MTUS1: variants seen among roughly 807,000 people sequenced by gnomAD.
MTUS1 encodes microtubule associated scaffold protein 1.
In MTUS1, 109 loss-of-function variants were observed where a neutral mutation model predicts 120.8. The observed-to-expected ratio is 0.90, with a 90% CI of 0.77 to 1.06. MTUS1 has a LOEUF of 1.06. Ranked by LOEUF, MTUS1 falls within the 50% of genes least tolerant of loss-of-function variation. The pLI is 0.00. For missense variants in MTUS1, 2,210 were observed against 1,486.3 expected, an observed-to-expected ratio of 1.49 and a Z score of -8.01; for synonymous variants, 737 against 550.5, an observed-to-expected ratio of 1.34 and a Z score of -4.74.
rs1032481199 is a variant in MTUS1, at chr8:17,644,784, A to T, written c.*1142T>A. On this transcript the variant is annotated 3_prime_UTR_variant, in exon 15 of 15. Transcript: ENST00000693296. Reference sequence around the variant, plus strand: ...AGATTTCCCAAAATTTGTAATATCAAATCCAGGCTTTAGTTTATTTGGAAA... The same window carrying T: ...AGATTTCCCAAAATTTGTAATATCATATCCAGGCTTTAGTTTATTTGGAAA... The T allele has an allele frequency of 1.3e-5, 2 of 152,186 alleles. No homozygotes were observed. Among genetic ancestry groups the T allele is most frequent in the African/African-American group, 2.4e-5 (1 of 41,436 alleles). The allele number at this position is 152,186 out of a possible 1,614,324, so 9.4% of individuals were successfully genotyped here.
At chr8:17,733,041 T>C (rs1171712797) in intron 3 of MTUS1, among the ~76,000 whole-genome samples, 1 of 151,978 alleles carries the variant, frequency 6.6e-6, no homozygotes, top group African/African-American at 2.4e-5. Flanking sequence ...AAGTCCTAAC[T>C]ATGATTTTCA....
At chr8:17,684,925 G>C (rs2130777966) in intron 6 of MTUS1, among the ~76,000 whole-genome samples, 1 of 152,220 alleles carries the variant, frequency 6.6e-6, no homozygotes, top group Admixed American at 6.5e-5. Context: ...TATGCTGAAA[G>C]GAACACACAA....
At position 17,679,108 on chromosome 8, in the gene MTUS1, T is replaced by C. The variant is rs191620997; in HGVS notation, c.2839-3856A>G. Among the ~76,000 whole-genome samples, 940 of 149,728 alleles carry C rather than the reference T, an allele frequency of 6.3e-3. 10 individuals are homozygous for C. Among genetic ancestry groups the C allele is most frequent in the African/African-American group, 0.022 (886 of 40,920 alleles). On this transcript the variant is annotated intron_variant, in intron 7 of 14. Transcript: ENST00000693296. Reference sequence around the variant, plus strand: ...ACTAAGTAGACTTGCAACAAAAGCATGGTAGTTGCAAGATTCTCTTAACCA... The same window carrying C: ...ACTAAGTAGACTTGCAACAAAAGCACGGTAGTTGCAAGATTCTCTTAACCA...
intron 1 of MTUS1, among the ~76,000 whole-genome samples, chr8:17,764,509 G>T (rs1490356945): frequency 6.6e-6 from 1 of 151,682 alleles, no homozygotes; most frequent in Non-Finnish European, 1.5e-5. Flanking sequence ...CAATTTCCCT[G>T]TTCCTGTTTC....
intron 6 of MTUS1, among the ~76,000 whole-genome samples, chr8:17,712,590 T>A (rs1352564625): frequency 6.6e-6 from 1 of 152,158 alleles, no homozygotes; most frequent in African/African-American, 2.4e-5. Flanking sequence ...CCACCCACCT[T>A]GGCCTCCCAA....
intron 8 of MTUS1, among the ~76,000 whole-genome samples, chr8:17,670,228 T>C (rs1811737050): frequency 6.6e-6 from 1 of 152,188 alleles, no homozygotes; most frequent in South Asian, 2.1e-4. Context: ...GAAGGTCTGA[T>C]TATACTGGAC....
chr8:17,757,433 A>G (rs1474953710), intron 1 of MTUS1, among the ~76,000 whole-genome samples: 1 of 152,232 alleles, frequency 6.6e-6, no homozygotes, highest in Non-Finnish European at 1.5e-5. Context: ...TGGCTGCACA[A>G]TGTTATATAC....
rs1455654567 is a variant in MTUS1 at position 17,791,147 on chromosome 8, C to T, written c.-155+9914G>A. ...TCCAGTCCCAGTTCCATAACTTACT[C>T]GCCATAAGACAAAACATTTATCCAA... On this transcript the variant is annotated intron_variant, in intron 1 of 14. Coordinates refer to ENST00000693296, the MANE Select transcript of MTUS1 (RefSeq NM_001363059.2). Among the ~76,000 whole-genome samples the T allele has an allele frequency of 2.0e-5, 3 of 152,148 alleles. 1 individual carries two copies. Among genetic ancestry groups the T allele is most frequent in the Admixed American group, 6.5e-5 (1 of 15,276 alleles).
chr8:17,686,053 T>G (rs931104637), intron 6 of MTUS1, among the ~76,000 whole-genome samples: 1 of 152,254 alleles, frequency 6.6e-6, no homozygotes, highest in African/African-American at 2.4e-5. Context: ...TTTTAGAAAT[T>G]GTCACATAAC....
intron 6 of MTUS1, chr8:17,705,886 G>A (rs1392065274): frequency 6.6e-6 from 1 of 152,188 alleles, no homozygotes; most frequent in African/African-American, 2.4e-5. Flanking sequence ...TGATGCCTCT[G>A]GTATGCCAGT....
intron 3 of MTUS1, among the ~76,000 whole-genome samples, chr8:17,740,644 G>A (rs536722968): frequency 6.6e-6 from 1 of 152,318 alleles, no homozygotes; most frequent in Admixed American, 6.5e-5. Context: ...TAATACAGTA[G>A]AATCAAATTA....
chr8:17,704,745 C>T (rs1819802411), intron 6 of MTUS1, among the ~76,000 whole-genome samples: 1 of 152,108 alleles, frequency 6.6e-6, no homozygotes, highest in African/African-American at 2.4e-5. Context: ...TGGCTATTTG[C>T]AGTCCTCTGT....
At chr8:17,781,213 C>A (rs1340015905) in intron 1 of MTUS1, among the ~76,000 whole-genome samples, 1 of 152,194 alleles carries the variant, frequency 6.6e-6, no homozygotes. Context: ...TTTCAAATAT[C>A]TCATAGCCAA....
At chr8:17,726,014 T>A (rs2046207247) in intron 3 of MTUS1, among the ~76,000 whole-genome samples, 1 of 152,162 alleles carries the variant, frequency 6.6e-6, no homozygotes, top group African/African-American at 2.4e-5. Context: ...TACCCCTTCA[T>A]ACACACACAC....
rs369947026 is a variant in MTUS1 at position 17,753,912 on chromosome 8, C to T, written c.1896G>A (p.Ala632=). Residue 632 remains alanine, a synonymous_variant, in exon 2 of 15, where the codon GCG becomes GCA. Coordinates refer to ENST00000693296, the MANE Select transcript of MTUS1 (RefSeq NM_001363059.2). Reference sequence around the variant, plus strand: ...GTATGCCTTTGATCTTCTGAAACAACGCAGAAACGGACCCGGTCTCGCATG... The same window carrying T: ...GTATGCCTTTGATCTTCTGAAACAATGCAGAAACGGACCCGGTCTCGCATG... ...NSACETGSVS[A]LFQKIKGILP... is the part of the protein sequence containing the mutation. 94 of 1,614,036 alleles carry T rather than the reference C, an allele frequency of 5.8e-5. No individual in the cohort carries two copies. Among genetic ancestry groups the T allele is most frequent in the East Asian group, 2.0e-4 (9 of 44,894 alleles).
chr8:17,792,391 A>T (rs1159551068), intron 1 of MTUS1, among the ~76,000 whole-genome samples: 2 of 152,260 alleles, frequency 1.3e-5, no homozygotes, highest in Non-Finnish European at 2.9e-5. Flanking sequence ...AATAAGCTGT[A>T]ACCAGAACTT....
rs781100280 is a variant in MTUS1 at position 17,683,802 on chromosome 8, G to C, written c.2838+526C>G. On this transcript the variant is annotated intron_variant, in intron 7 of 14. Coordinates refer to ENST00000693296, the MANE Select transcript of MTUS1 (RefSeq NM_001363059.2). ...GAAATAACATCCCTGAAGAATATTA[G>C]GGAAAAGTAACAACACGGCAAATCT... Among the ~76,000 whole-genome samples the C allele has an allele frequency of 4.6e-5, 7 of 152,174 alleles. No homozygotes were observed. The South Asian group carries it at 6.2e-4, about 14-fold the overall frequency.
chr8:17,757,277 A>T (rs981544896), intron 1 of MTUS1, among the ~76,000 whole-genome samples: 8 of 152,218 alleles, frequency 5.3e-5, no homozygotes, highest in Admixed American at 1.3e-4. Flanking sequence ...TTGAAATATT[A>T]TATCAAATGA....
At chr8:17,666,577 G>A (rs1810956906) in intron 8 of MTUS1, among the ~76,000 whole-genome samples, 2 of 152,140 alleles carry the variant, frequency 1.3e-5, no homozygotes, top group African/African-American at 2.4e-5. Context: ...CCACCTGGAT[G>A]ATCATTAAAA....
Sources: allele counts gnomAD v4.1 joint callset (sites outside exome capture counted in the v4.1 genomes callset), GRCh38; gene constraint gnomAD v4.1.1; transcripts MANE v1.5; gene names NCBI Gene and HGNC (gene_info 2026-07-23, HGNC 2026-07-21).